KCNMB2: variants seen among roughly 807,000 people sequenced by gnomAD.
The protein encoded by KCNMB2 is potassium calcium-activated channel subfamily M regulatory beta subunit 2.
Under a neutral mutation model 24.5 loss-of-function variants are expected in KCNMB2, and 9 were observed. The ratio of observed to expected loss-of-function variants is 0.37; its 90% CI spans 0.22 to 0.64. The LOEUF (loss-of-function observed/expected upper bound fraction) is 0.64, where lower values mean the gene tolerates loss of function less well. KCNMB2 is among the 30% of genes least tolerant of loss of function. KCNMB2 has a pLI of 0.63. For missense variants in KCNMB2, 226 were observed against 284.3 expected, an observed-to-expected ratio of 0.79 and a Z score of 1.47; for synonymous variants, 109 against 104.4, an observed-to-expected ratio of 1.04 and a Z score of -0.27.
rs201938136 is a variant in KCNMB2 at position 178,669,259 on chromosome 3, C to T, written c.-68+132548C>T. The stretch of plus-strand genomic sequence containing the variant: ...CTTCTTAATTTATTAATAGCAGCTG[C>T]GACCTTTTACTGCATTCCTAAAATA... On this transcript the variant is annotated intron_variant, in intron 1 of 4. Transcript: ENST00000452583. Among the ~76,000 whole-genome samples, 191 of 152,152 alleles carry T rather than the reference C, an allele frequency of 1.3e-3. 2 individuals are homozygous for T. In the East Asian group the frequency reaches 0.013, roughly 10 times the overall value.
intron 1 of KCNMB2, among the ~76,000 whole-genome samples, chr3:178,573,768 A>AG (rs1369672936): frequency 7.4e-6 from 1 of 134,570 alleles, no homozygotes; most frequent in Non-Finnish European, 1.6e-5. Flanking sequence ...AAAAAAAAAA[A>AG]AGGCTTTTAT....
chr3:178,837,889 T>A (rs942719904), intron 4 of KCNMB2, among the ~76,000 whole-genome samples: 10 of 152,180 alleles, frequency 6.6e-5, no homozygotes, highest in African/African-American at 2.4e-4. Context: ...TCTATATTTT[T>A]AAGCTGAATC....
At position 178,768,216 on chromosome 3, in the gene KCNMB2, TC is replaced by T. The variant is rs112577595; in HGVS notation, c.-67-39125del. On this transcript the variant is annotated intron_variant, in intron 1 of 4. Coordinates refer to ENST00000452583, the MANE Select transcript of KCNMB2 (RefSeq NM_181361.3). The stretch of plus-strand genomic sequence containing the variant: ...GCTGCCCCACTGCTGTGGCAGCATC[TC>T]CTTCTAAGCTCGGTTTTCCCCTGAT... 1.3e-3 allele frequency among the ~76,000 whole-genome samples: 200 copies of T among 152,244 alleles called. 1 individual carries two copies. Among genetic ancestry groups the T allele is most frequent in the South Asian group, 0.011 (53 of 4,826 alleles).
chr3:178,808,423 AAAT>A (rs1254653532), intron 2 of KCNMB2, among the ~76,000 whole-genome samples: 2 of 152,182 alleles, frequency 1.3e-5, no homozygotes, highest in Admixed American at 6.5e-5. Context: ...ATTTGTGAAA[AAAT>A]AATAATAAAA....
chr3:178,562,487 A>C (rs189741034), intron 1 of KCNMB2, among the ~76,000 whole-genome samples: 2 of 152,336 alleles, frequency 1.3e-5, no homozygotes, highest in East Asian at 1.9e-4. Flanking sequence ...AAGAGCTATA[A>C]GGCTAAGAAA....
intron 1 of KCNMB2, among the ~76,000 whole-genome samples, chr3:178,756,839 G>C (rs886318418): frequency 6.6e-6 from 1 of 152,028 alleles, no homozygotes; most frequent in Non-Finnish European, 1.5e-5. Context: ...ACTCATGCCT[G>C]AATGAAGCTT....
intron 1 of KCNMB2, among the ~76,000 whole-genome samples, chr3:178,798,984 A>T (rs768576183): frequency 7.9e-5 from 7 of 89,146 alleles, no homozygotes; most frequent in Admixed American, 1.1e-4. Context: ...TCTTGATGAT[A>T]AAAAAAAAAA....
chr3:178,787,837 C>T (rs925843210), intron 1 of KCNMB2, among the ~76,000 whole-genome samples: 1 of 151,952 alleles, frequency 6.6e-6, no homozygotes, highest in Non-Finnish European at 1.5e-5. Context: ...AATGAGAGAA[C>T]GTTGGTTTTG....
chr3:178,587,714 G>A (rs1449750314), intron 1 of KCNMB2, among the ~76,000 whole-genome samples: 1 of 149,658 alleles, frequency 6.7e-6, no homozygotes, highest in Non-Finnish European at 1.5e-5. Context: ...CCAAAGTGCT[G>A]GGATTACAGG....
At chr3:178,757,934 T>G (rs116143279) in intron 1 of KCNMB2, among the ~76,000 whole-genome samples, 3 of 96,060 alleles carry the variant, frequency 3.1e-5, no homozygotes, top group South Asian at 3.5e-4. Context: ...GATATATATA[T>G]ACACAAGGGG....
chr3:178,707,492 T>G (rs549014517), intron 1 of KCNMB2, among the ~76,000 whole-genome samples: 4 of 152,098 alleles, frequency 2.6e-5, no homozygotes, highest in African/African-American at 9.7e-5. Flanking sequence ...CTCAGATACT[T>G]GTGCCAATTT....
At chr3:178,757,372 A>C (rs1363407656) in intron 1 of KCNMB2, among the ~76,000 whole-genome samples, 1 of 63,060 alleles carries the variant, frequency 1.6e-5, no homozygotes, top group East Asian at 3.6e-4. Context: ...ATATATATAT[A>C]TCCAAGAGGA....
chr3:178,568,911 G>C (rs1416687458), intron 1 of KCNMB2, among the ~76,000 whole-genome samples: 2 of 151,642 alleles, frequency 1.3e-5, no homozygotes, highest in Non-Finnish European at 2.9e-5. Context: ...TGGATAGATA[G>C]ACTGAACTAG....
intron 1 of KCNMB2, among the ~76,000 whole-genome samples, chr3:178,763,279 T>C (rs1380032459): frequency 6.6e-6 from 1 of 152,168 alleles, no homozygotes; most frequent in African/African-American, 2.4e-5. Context: ...AGTCAGGCTT[T>C]GTGATTTTCT....
rs187446148 is a variant in KCNMB2, at chr3:178,692,558, G to T, written c.-67-114785G>T. Among the ~76,000 whole-genome samples, 367 of 152,264 alleles carry T rather than the reference G, an allele frequency of 2.4e-3. 2 individuals are homozygous for T. Among genetic ancestry groups the T allele is most frequent in the African/African-American group, 7.7e-3 (322 of 41,564 alleles). On this transcript the variant is annotated intron_variant, in intron 1 of 4. Transcript: ENST00000452583. The stretch of plus-strand genomic sequence containing the variant: ...TGTCAAAGATAAGATAGTTGTAGGT[G>T]TGCAGCCTTATTTCTGGGCTCCCTA...
Position 178,617,887 on chromosome 3 carries a change from TC to T in KCNMB2, c.-68+81177del, listed in dbSNP as rs1465722024. The stretch of plus-strand genomic sequence containing the variant: ...GCCTGGGTGACAGAGCAAGACTCTG[TC>T]TAAAAAAAAAAAAAAAAAAAAAACC... On this transcript the variant is annotated intron_variant, in intron 1 of 4. Coordinates refer to ENST00000452583, the MANE Select transcript of KCNMB2 (RefSeq NM_181361.3). Among the ~76,000 whole-genome samples the T allele has an allele frequency of 3.0e-4, 30 of 101,442 alleles. No individual in the cohort carries two copies. In the South Asian group the frequency reaches 4.9e-3, roughly 17 times the overall value. 66.5% of individuals were successfully genotyped at this position (101,442 alleles called of 152,430 possible). A position where few individuals can be genotyped will look rare whatever the true frequency, so the allele number is the denominator to read the frequency against.
chr3:178,815,767 T>A (rs558859774), intron 2 of KCNMB2, among the ~76,000 whole-genome samples: 1 of 152,048 alleles, frequency 6.6e-6, no homozygotes, highest in Admixed American at 6.5e-5. Context: ...AATATGTTTA[T>A]CTACATTTAT....
chr3:178,546,768 T>TA (rs1309560764), intron 1 of KCNMB2, among the ~76,000 whole-genome samples: 10 of 152,200 alleles, frequency 6.6e-5, no homozygotes, highest in Admixed American at 6.5e-4. Flanking sequence ...CCATCCAAGG[T>TA]ATTAAGCAGG....
intron 1 of KCNMB2, among the ~76,000 whole-genome samples, chr3:178,571,285 C>A (rs1300338534): frequency 2.7e-5 from 4 of 150,120 alleles, no homozygotes; most frequent in African/African-American, 7.3e-5. Flanking sequence ...TGTTGTTGTT[C>A]TTTTACCACA....
Sources: gnomAD v4.1 joint callset for allele counts (sites outside exome capture counted in the v4.1 genomes callset) on GRCh38, gnomAD v4.1.1 for gene constraint, MANE v1.5 for transcripts, NCBI Gene and HGNC (gene_info 2026-07-23, HGNC 2026-07-21) for gene names.